CSMD1: variants seen among roughly 807,000 people sequenced by gnomAD.
The protein encoded by CSMD1 is CUB and Sushi multiple domains 1.
In CSMD1, 213 loss-of-function variants were observed where a neutral mutation model predicts 417.5. That is an observed-to-expected ratio of 0.51 (90% confidence interval 0.46 to 0.57). The LOEUF (loss-of-function observed/expected upper bound fraction) is 0.57. CSMD1 is among the 20% of genes least tolerant of loss of function. CSMD1 has a pLI of 0.00. For synonymous variants in CSMD1, 2,862 were observed against 1,736.8 expected (o/e 1.65, Z -16.11); for missense variants, 6,923 against 4,529.7 (o/e 1.53, Z -15.17).
chr8:3,382,198 T>G (rs1391592125), intron 18 of CSMD1, among the ~76,000 whole-genome samples: 2 of 151,688 alleles, frequency 1.3e-5, no homozygotes, highest in Admixed American at 6.6e-5. Context: ...GGCGGAGGTT[T>G]TAGTGAGCCG....
At chr8:3,285,758 C>G (rs943010819) in intron 25 of CSMD1, among the ~76,000 whole-genome samples, 11 of 151,952 alleles carry the variant, frequency 7.2e-5, no homozygotes, top group African/African-American at 2.2e-4. Context: ...CTCCACTCCA[C>G]CAAATCATTG....
intron 50 of CSMD1, among the ~76,000 whole-genome samples, chr8:3,031,269 T>C: frequency 7.6e-6 from 1 of 132,270 alleles, no homozygotes; most frequent in Middle Eastern, 5.1e-3. Context: ...AACAACAAGA[T>C]CACATGGACA....
At position 3,075,918 on chromosome 8, in the gene CSMD1, G is replaced by A. The variant is rs886959055; in HGVS notation, c.7474+11179C>T. ...AAAAAAAAATTAGCCGGGCGTGGTGGCGGGCGCCTGTAGTCCCAGCTCCTA... is the reference window on the plus strand; with the variant it reads ...AAAAAAAAATTAGCCGGGCGTGGTGACGGGCGCCTGTAGTCCCAGCTCCTA... On this transcript the variant is annotated intron_variant, in intron 49 of 69. Transcript: ENST00000635120. 4.0e-5 allele frequency among the ~76,000 whole-genome samples: 6 copies of A among 151,582 alleles called. No individual in the cohort carries two copies. The East Asian group carries it at 1.2e-3, about 30-fold the overall frequency.
intron 5 of CSMD1, among the ~76,000 whole-genome samples, chr8:3,786,507 T>C (rs1177614093): frequency 1.3e-5 from 2 of 151,568 alleles, no homozygotes; most frequent in Admixed American, 6.6e-5. Context: ...AACCTAGGAG[T>C]GGGTGAGAGC....
intron 3 of CSMD1, among the ~76,000 whole-genome samples, chr8:4,274,364 T>C (rs1197791498): frequency 1.3e-5 from 2 of 152,266 alleles, no homozygotes; most frequent in East Asian, 1.9e-4. Flanking sequence ...TTTTCTAAAC[T>C]ATGAGCACAA....
intron 49 of CSMD1, among the ~76,000 whole-genome samples, chr8:3,077,031 A>T (rs77967557): frequency 6.7e-6 from 1 of 148,360 alleles, no homozygotes; most frequent in East Asian, 2.0e-4. Flanking sequence ...TCCTAAGTGC[A>T]CTTCTTTCCA....
At chr8:4,882,907 C>T (rs1386131497) in intron 1 of CSMD1, among the ~76,000 whole-genome samples, 3 of 151,932 alleles carry the variant, frequency 2.0e-5, no homozygotes, top group Non-Finnish European at 4.4e-5. Context: ...TAGATTTCTT[C>T]ACTAGATTAA....
intron 3 of CSMD1, among the ~76,000 whole-genome samples, chr8:4,397,552 T>TTTTG (rs1804332152): frequency 8.2e-6 from 1 of 122,534 alleles, no homozygotes; most frequent in East Asian, 2.6e-4. Context: ...TTTTTTTTTT[T>TTTTG]GAGACGGAAT....
intron 26 of CSMD1, among the ~76,000 whole-genome samples, chr8:3,252,948 T>C (rs12541736): frequency 0.073 from 11,168 of 152,258 alleles, 564 homozygotes; most frequent in Admixed American, 0.13. Flanking sequence ...TTGATTATTC[T>C]CTCTTTTCTT....
chr8:4,269,441 G>A (rs1027093245), intron 3 of CSMD1, among the ~76,000 whole-genome samples: 1 of 152,108 alleles, frequency 6.6e-6, no homozygotes, highest in African/African-American at 2.4e-5. Flanking sequence ...TTTTCTCTCT[G>A]AAGTTTAATC....
intron 15 of CSMD1, among the ~76,000 whole-genome samples, chr8:3,402,936 T>G (rs958143038): frequency 3.9e-5 from 6 of 152,182 alleles, no homozygotes; most frequent in African/African-American, 1.2e-4. Context: ...AACACAGGTT[T>G]TGCTGTCTCA....
At chr8:4,742,153 C>G (rs1218338352) in intron 1 of CSMD1, among the ~76,000 whole-genome samples, 1 of 150,916 alleles carries the variant, frequency 6.6e-6, no homozygotes, top group African/African-American at 2.4e-5. Context: ...GCCTCAGCCT[C>G]CCGAGTAGCT....
rs1471769108 is a variant in CSMD1, at chr8:4,415,904, T to C, written c.415+4049A>G. On this transcript the variant is annotated intron_variant, in intron 3 of 69. Transcript: ENST00000635120. The stretch of plus-strand genomic sequence containing the variant: ...GAGTGTATAAGGATTGCAACTTCTG[T>C]AGATGTACAGACATGTGGATAATTT... 5.3e-5 allele frequency among the ~76,000 whole-genome samples: 8 copies of C among 152,182 alleles called. 2 individuals carry two copies. The South Asian group carries it at 1.5e-3, about 28-fold the overall frequency.
chr8:3,881,216 G>A (rs772296443), intron 5 of CSMD1, among the ~76,000 whole-genome samples: 2 of 150,886 alleles, frequency 1.3e-5, no homozygotes, highest in Non-Finnish European at 2.9e-5. Flanking sequence ...ATAGATTCAA[G>A]TCACTCTCAA....
At chr8:4,119,597 G>GAT (rs1373184335) in intron 3 of CSMD1, among the ~76,000 whole-genome samples, 2 of 254 alleles carry the variant, frequency 7.9e-3, no homozygotes, top group Non-Finnish European at 0.022. Context: ...CTTCTATCTA[G>GAT]GGAGGAGACC....
At chr8:4,672,327 A>G (rs1018213904) in intron 1 of CSMD1, among the ~76,000 whole-genome samples, 2 of 152,204 alleles carry the variant, frequency 1.3e-5, no homozygotes, top group Non-Finnish European at 2.9e-5. Context: ...AACCTAGGGT[A>G]AAAGGTGAGA....
chr8:4,309,803 G>C (rs1798456364), intron 3 of CSMD1, among the ~76,000 whole-genome samples: 1 of 151,894 alleles, frequency 6.6e-6, no homozygotes, highest in South Asian at 2.1e-4. Flanking sequence ...CCTCCATATA[G>C]GTCCCTTCGC....
intron 10 of CSMD1, among the ~76,000 whole-genome samples, chr8:3,514,724 A>C (rs1187574824): frequency 6.6e-6 from 1 of 152,176 alleles, no homozygotes; most frequent in Non-Finnish European, 1.5e-5. Flanking sequence ...CCATGATATT[A>C]ATACTATTTT....
At chr8:4,036,591 T>C (rs780372405) in intron 3 of CSMD1, among the ~76,000 whole-genome samples, 5 of 152,184 alleles carry the variant, frequency 3.3e-5, no homozygotes, top group Non-Finnish European at 5.9e-5. Flanking sequence ...GTATTTTTAA[T>C]AGGGAAAAAT....
Sources: gnomAD v4.1 joint callset for allele counts (sites outside exome capture counted in the v4.1 genomes callset) on GRCh38, gnomAD v4.1.1 for gene constraint, MANE v1.5 for transcripts, NCBI Gene and HGNC (gene_info 2026-07-23, HGNC 2026-07-21) for gene names.